ARHGAP26: variants seen among roughly 807,000 people sequenced by gnomAD.
ARHGAP26 encodes Rho GTPase activating protein 26, also known as rho GTPase-activating protein 26.
Under a neutral mutation model 104.8 loss-of-function variants are expected in ARHGAP26, and 38 were observed. That is an observed-to-expected ratio of 0.36 (90% CI 0.28 to 0.48). The LOEUF (loss-of-function observed/expected upper bound fraction) is 0.48. ARHGAP26 is among the 20% of genes least tolerant of loss of function. ARHGAP26 has a pLI of 0.99. For synonymous variants in ARHGAP26, 341 were observed against 340.0 expected, an observed-to-expected ratio of 1.00 and a Z score of -0.03; for missense variants, 704 against 947.9, an observed-to-expected ratio of 0.74 and a Z score of 3.38.
At chr5:142,989,783 C>T (rs1196939040) in intron 11 of ARHGAP26, among the ~76,000 whole-genome samples, 2 of 152,076 alleles carry the variant, frequency 1.3e-5, no homozygotes, top group African/African-American at 2.4e-5. Flanking sequence ...GAATATTGGC[C>T]CCCACTCTTC....
At chr5:143,221,802 C>T (rs1404043568) in intron 22 of ARHGAP26, among the ~76,000 whole-genome samples, 1 of 152,062 alleles carries the variant, frequency 6.6e-6, no homozygotes, top group Non-Finnish European at 1.5e-5. Flanking sequence ...GCATTACAGG[C>T]GTGAACCACC....
intron 17 of ARHGAP26, among the ~76,000 whole-genome samples, chr5:143,082,675 A>T (rs1789992050): frequency 6.6e-6 from 1 of 152,242 alleles, no homozygotes; most frequent in Non-Finnish European, 1.5e-5. Context: ...TGTTCTCACT[A>T]TACTGTAGCC....
intron 20 of ARHGAP26, among the ~76,000 whole-genome samples, chr5:143,161,599 A>G (rs918169955): frequency 1.3e-5 from 2 of 152,224 alleles, no homozygotes; most frequent in African/African-American, 4.8e-5. Context: ...TTACTCAATA[A>G]TAATTAGCAG....
chr5:142,897,650 A>G (rs894742332), intron 6 of ARHGAP26, among the ~76,000 whole-genome samples: 1 of 152,240 alleles, frequency 6.6e-6, no homozygotes, highest in Non-Finnish European at 1.5e-5. Flanking sequence ...AAGGAAGAAC[A>G]TGAAATAACA....
chr5:142,980,498 C>A (rs1256843560), intron 11 of ARHGAP26, among the ~76,000 whole-genome samples: 2 of 151,926 alleles, frequency 1.3e-5, no homozygotes, highest in African/African-American at 4.8e-5. Flanking sequence ...AAGCAATTCT[C>A]CTACCTCAGC....
Position 143,042,034 on chromosome 5 carries a change from G to A in ARHGAP26, c.1285+144G>A, listed in dbSNP as rs1181830738. The A allele has an allele frequency of 2.8e-5, 19 of 687,602 alleles. No homozygotes were observed. The Admixed American group carries it at 2.8e-4, about 10-fold the overall frequency. 42.6% of individuals were successfully genotyped at this position (687,602 alleles called of 1,614,324 possible). Reference sequence around the variant, plus strand: ...TCACCTAGAAGTCATCTGCCCCATCGGTCAGTTGTCATGGCTTCAGACACT... The same window carrying A: ...TCACCTAGAAGTCATCTGCCCCATCAGTCAGTTGTCATGGCTTCAGACACT... On this transcript the variant is annotated intron_variant, in intron 14 of 22. Transcript: ENST00000645722.
chr5:142,968,984 C>T lies in ARHGAP26; in HGVS notation c.1107+36859C>T, dbSNP rs529135341. ...TCTTACTATGTCACCCAGACTGGAG[C>T]GCAGTGGCGCACTCATGGCTCATTG... On this transcript the variant is annotated intron_variant, in intron 11 of 22. Transcript: ENST00000645722. Among the ~76,000 whole-genome samples the T allele has an allele frequency of 9.2e-5, 14 of 152,336 alleles. 2 individuals carry two copies. The highest frequency in any genetic ancestry group is 5.9e-4 in the Admixed American group (9 of 15,298).
intron 17 of ARHGAP26, among the ~76,000 whole-genome samples, chr5:143,080,011 G>A (rs1432847735): frequency 1.3e-5 from 2 of 152,190 alleles, no homozygotes; most frequent in Non-Finnish European, 1.5e-5. Flanking sequence ...CCTACCTCTG[G>A]ATAGTGGGGG....
chr5:143,014,150 A>G (rs536249570), intron 12 of ARHGAP26, 34 bp downstream of exon 12: 92 of 1,612,876 alleles, frequency 5.7e-5, no homozygotes, highest in Non-Finnish European at 7.4e-5. Flanking sequence ...TTCTACAGCC[A>G]GGGTTGGGAG....
At chr5:143,059,791 A>G (rs1786423552) in intron 17 of ARHGAP26, among the ~76,000 whole-genome samples, 1 of 152,148 alleles carries the variant, frequency 6.6e-6, no homozygotes, top group South Asian at 2.1e-4. Flanking sequence ...GCATGTTTTG[A>G]TCATTTAATT....
In ARHGAP26 at chr5:143,222,764, C is replaced by A. The variant is rs1400777764; in HGVS notation, c.*318C>A. ...CATTTTGTTTCAACGGTCCAAACGCCCAACCTTCAGAAAGAGGAAGTCAGA... is the reference window on the plus strand; with the variant it reads ...CATTTTGTTTCAACGGTCCAAACGCACAACCTTCAGAAAGAGGAAGTCAGA... On this transcript the variant is annotated 3_prime_UTR_variant, in exon 23 of 23. Coordinates refer to ENST00000645722, the MANE Select transcript of ARHGAP26 (RefSeq NM_001135608.3). The A allele has an allele frequency of 1.2e-5, 3 of 260,384 alleles. No individual in the cohort carries two copies. Among genetic ancestry groups the A allele is most frequent in the African/African-American group, 6.5e-5 (3 of 46,268 alleles). The allele number at this position is 260,384 out of a possible 1,614,324, so 16.1% of individuals were successfully genotyped here. A position where few individuals can be genotyped will look rare whatever the true frequency, so the allele number is the denominator to read the frequency against.
intron 11 of ARHGAP26, among the ~76,000 whole-genome samples, chr5:142,962,177 GCC>G (rs1770368193): frequency 1.3e-5 from 2 of 152,186 alleles, no homozygotes; most frequent in Non-Finnish European, 2.9e-5. Flanking sequence ...GACATTTCAT[GCC>G]CTACTGAAAT....
intron 17 of ARHGAP26, among the ~76,000 whole-genome samples, chr5:143,086,497 A>G (rs1396252045): frequency 6.6e-6 from 1 of 152,176 alleles, no homozygotes; most frequent in African/African-American, 2.4e-5. Flanking sequence ...CATGTAAGCA[A>G]GTTTTGCCAG....
intron 20 of ARHGAP26, among the ~76,000 whole-genome samples, chr5:143,149,286 C>G (rs1245863888): frequency 6.6e-6 from 1 of 152,128 alleles, no homozygotes; most frequent in Non-Finnish European, 1.5e-5. Flanking sequence ...AACAAGACCA[C>G]TGTCCTTCCA....
intron 17 of ARHGAP26, among the ~76,000 whole-genome samples, chr5:143,085,667 G>A (rs1325484569): frequency 6.6e-6 from 1 of 152,188 alleles, no homozygotes; most frequent in Admixed American, 6.5e-5. Context: ...TGAGGATAGC[G>A]GCAGCAGATG....
chr5:142,997,344 C>T (rs1451901206), intron 11 of ARHGAP26, among the ~76,000 whole-genome samples: 1 of 152,134 alleles, frequency 6.6e-6, no homozygotes, highest in East Asian at 1.9e-4. Context: ...TGGTGTTGCA[C>T]AGGCCCTACT....
chr5:142,914,922 C>T (rs1762283752), intron 10 of ARHGAP26, among the ~76,000 whole-genome samples: 1 of 152,178 alleles, frequency 6.6e-6, no homozygotes, highest in Non-Finnish European at 1.5e-5. Context: ...ACCTGTGATG[C>T]TCATCAAATG....
chr5:143,148,172 CAG>C (rs1280597093), intron 20 of ARHGAP26, among the ~76,000 whole-genome samples: 2 of 152,170 alleles, frequency 1.3e-5, no homozygotes. Context: ...TCAGGAAAAA[CAG>C]ATGATTTTCC....
At chr5:142,968,865 T>G (rs1771809325) in intron 11 of ARHGAP26, among the ~76,000 whole-genome samples, 1 of 152,262 alleles carries the variant, frequency 6.6e-6, no homozygotes, top group African/African-American at 2.4e-5. Flanking sequence ...CAAATATTTG[T>G]TTAATGAATT....
Sources: gnomAD v4.1 joint callset for allele counts (sites outside exome capture counted in the v4.1 genomes callset) on GRCh38, gnomAD v4.1.1 for gene constraint, MANE v1.5 for transcripts, NCBI Gene and HGNC (gene_info 2026-07-23, HGNC 2026-07-21) for gene names.